TENM2: variants seen among roughly 807,000 people sequenced by gnomAD.
The protein encoded by TENM2 is teneurin-2.
A neutral mutation model predicts 245.2 loss-of-function variants in TENM2; 52 were observed. The ratio of observed to expected loss-of-function variants is 0.21; its 90% CI spans 0.17 to 0.27. The LOEUF is 0.27. TENM2 is among the 10% of genes least tolerant of loss of function. The probability of loss-of-function intolerance (pLI) is 1.00; values close to 1 mark genes in which losing one functional copy is unlikely to be tolerated. For synonymous variants in TENM2, 1,363 were observed against 1,438.9 expected, an observed-to-expected ratio of 0.95 and a Z score of 1.19; for missense variants, 3,046 against 3,666.8, an observed-to-expected ratio of 0.83 and a Z score of 4.37.
At chr5:167,801,096 A>G (rs1198038099) in intron 2 of TENM2, among the ~76,000 whole-genome samples, 1 of 37,946 alleles carries the variant, frequency 2.6e-5, no homozygotes, top group Non-Finnish European at 4.5e-5. Context: ...ATTTGAAAAG[A>G]AAAAAAAAAA....
intron 24 of TENM2, among the ~76,000 whole-genome samples, chr5:168,227,012 T>TTAA (rs2152598501): frequency 6.6e-6 from 1 of 152,320 alleles, no homozygotes; most frequent in Non-Finnish European, 1.5e-5. Flanking sequence ...TGCCAAATGA[T>TTAA]TAATGATGTA....
chr5:167,875,735 G>A (rs1773364811), intron 2 of TENM2, among the ~76,000 whole-genome samples: 1 of 152,064 alleles, frequency 6.6e-6, no homozygotes, highest in Non-Finnish European at 1.5e-5. Context: ...TTGCTAGACT[G>A]ATTCCATTTG....
At position 168,209,325 on chromosome 5, in the gene TENM2, G is replaced by C. The variant is rs544372006; in HGVS notation, c.3825-2409G>C. 2.0e-5 allele frequency among the ~76,000 whole-genome samples: 3 copies of C among 152,252 alleles called. No homozygotes were observed. In the South Asian group the frequency reaches 6.2e-4, roughly 32 times the overall value. The stretch of plus-strand genomic sequence containing the variant: ...GATGCTCATTAACCAGTTTGTCATT[G>C]ATGTCCTTGTATTAGTGAAATATGA... On this transcript the variant is annotated intron_variant, in intron 19 of 28. Coordinates refer to ENST00000518659, the Ensembl canonical transcript of TENM2.
intron 2 of TENM2, among the ~76,000 whole-genome samples, chr5:167,582,771 A>T (rs983780366): frequency 2.6e-5 from 4 of 152,108 alleles, no homozygotes; most frequent in East Asian, 1.9e-4. Context: ...ATTTTTTTTT[A>T]AATGTTACCA....
intron 2 of TENM2, among the ~76,000 whole-genome samples, chr5:167,770,153 G>T (rs960249476): frequency 6.6e-6 from 1 of 152,166 alleles, no homozygotes; most frequent in African/African-American, 2.4e-5. Flanking sequence ...TGGAAAGAAT[G>T]ATGAACAAAG....
rs190992457 is a variant in TENM2 at position 167,300,251 on chromosome 5, A to G, written c.226+15188A>G. Among the ~76,000 whole-genome samples, 9 of 152,268 alleles carry G rather than the reference A, an allele frequency of 5.9e-5. No homozygotes were observed. In the East Asian group the frequency reaches 1.5e-3, roughly 26 times the overall value. On this transcript the variant is annotated intron_variant, in intron 1 of 28. Coordinates refer to ENST00000518659, the Ensembl canonical transcript of TENM2. The stretch of plus-strand genomic sequence containing the variant: ...GAGATGGGTAACAGATGAGGATGAA[A>G]TTTGGGCTTGACTGAAGTAAAGGGG...
At chr5:167,125,623 A>C in the TENM2 span, among the ~76,000 whole-genome samples, 1 of 152,188 alleles carries the variant, frequency 6.6e-6, no homozygotes, top group African/African-American at 2.4e-5. Flanking sequence ...TTTTGCTGAT[A>C]TATATTCTAT....
At chr5:167,292,753 T>C (rs372391596) in intron 1 of TENM2, among the ~76,000 whole-genome samples, 9 of 152,360 alleles carry the variant, frequency 5.9e-5, no homozygotes, top group African/African-American at 2.2e-4. Context: ...ATAACAGATA[T>C]GTAACTAGGT....
intron 9 of TENM2, among the ~76,000 whole-genome samples, chr5:168,114,788 G>T (rs1404613722): frequency 6.6e-6 from 1 of 152,214 alleles, no homozygotes; most frequent in African/African-American, 2.4e-5. Flanking sequence ...CAGTGAGCAC[G>T]CGGCAAACCC....
intron 4 of TENM2, among the ~76,000 whole-genome samples, chr5:167,963,379 T>C (rs552876766): frequency 6.6e-6 from 1 of 152,292 alleles, no homozygotes; most frequent in Non-Finnish European, 1.5e-5. Context: ...AGTATAGATA[T>C]GGGATTTCTT....
chr5:167,992,907 C>T, intron 4 of TENM2, 37 bp from the exon 7 acceptor site: 1 of 1,553,442 alleles, frequency 6.4e-7, no homozygotes, highest in Non-Finnish European at 8.9e-7. Context: ...TCCTTGGCTA[C>T]CCATGACCAC....
intron 2 of TENM2, among the ~76,000 whole-genome samples, chr5:167,580,025 A>G (rs1774979685): frequency 6.6e-6 from 1 of 152,214 alleles, no homozygotes; most frequent in Admixed American, 6.5e-5. Context: ...GTGCCTTTAT[A>G]GGCTTGAAAC....
At chr5:167,614,505 C>G (rs1166245792) in intron 2 of TENM2, among the ~76,000 whole-genome samples, 1 of 152,126 alleles carries the variant, frequency 6.6e-6, no homozygotes, top group Non-Finnish European at 1.5e-5. Context: ...GCTACTTTCA[C>G]TTCTTATAAG....
intron 2 of TENM2, among the ~76,000 whole-genome samples, chr5:167,722,172 C>T (rs1759673371): frequency 6.6e-6 from 1 of 152,174 alleles, no homozygotes; most frequent in South Asian, 2.1e-4. Flanking sequence ...CTTCTGCCTC[C>T]CCTCAGGCAC....
intron 9 of TENM2, among the ~76,000 whole-genome samples, chr5:168,105,420 C>T (rs1162163150): frequency 6.6e-6 from 1 of 152,124 alleles, no homozygotes; most frequent in Non-Finnish European, 1.5e-5. Context: ...AGATCACAGT[C>T]AGGGAAGGCA....
At chr5:167,333,342 A>G (rs1041894763) in intron 1 of TENM2, among the ~76,000 whole-genome samples, 2 of 152,218 alleles carry the variant, frequency 1.3e-5, no homozygotes, top group African/African-American at 4.8e-5. Flanking sequence ...TCAGCTGCAA[A>G]GTAAGCACAA....
At chr5:167,056,167 A>C in the TENM2 span, among the ~76,000 whole-genome samples, 1 of 152,030 alleles carries the variant, frequency 6.6e-6, no homozygotes, top group South Asian at 2.1e-4. Flanking sequence ...TGATATGACT[A>C]AGTGATTTTT....
chr5:167,897,357 C>T (rs1319333469), intron 3 of TENM2, among the ~76,000 whole-genome samples: 1 of 151,714 alleles, frequency 6.6e-6, no homozygotes, highest in African/African-American at 2.4e-5. Context: ...AAAGTGCTCA[C>T]AATCAAGACA....
chr5:167,399,900 C>A (rs1034720882), intron 2 of TENM2, among the ~76,000 whole-genome samples: 1 of 151,554 alleles, frequency 6.6e-6, no homozygotes, highest in African/African-American at 2.4e-5. Flanking sequence ...TAGATCACAT[C>A]TTAAGCTGAG....
Sources: gnomAD v4.1 joint callset for allele counts (sites outside exome capture counted in the v4.1 genomes callset) on GRCh38, gnomAD v4.1.1 for gene constraint, MANE v1.5 for transcripts, NCBI Gene and HGNC (gene_info 2026-07-23, HGNC 2026-07-21) for gene names.